OTOA: variants seen among roughly 807,000 people sequenced by gnomAD.
The protein encoded by OTOA is cancer/testis antigen 108.
OTOA carries 70 observed loss-of-function variants against 110.8 expected under a neutral mutation model. The observed-to-expected ratio is 0.63, with a 90% CI of 0.52 to 0.77. The LOEUF is 0.77. OTOA is among the 30% of genes least tolerant of loss of function. The pLI is 0.00. For synonymous variants in OTOA, 373 were observed against 431.5 expected, an observed-to-expected ratio of 0.86 and a Z score of 1.68; for missense variants, 917 against 1,075.8, an observed-to-expected ratio of 0.85 and a Z score of 2.06.
At chr16:21,731,435 A>G (rs1393896950) in intron 21 of OTOA, among the ~76,000 whole-genome samples, 1 of 152,242 alleles carries the variant, frequency 6.6e-6, no homozygotes, top group East Asian at 1.9e-4. Flanking sequence ...TTTGTGCTGC[A>G]TAACAAAGCC....
intron 6 of OTOA, among the ~76,000 whole-genome samples, 187 bp from the exon 7 acceptor site, chr16:21,685,043 C>A (rs983396970): frequency 6.6e-6 from 1 of 152,120 alleles, no homozygotes. Flanking sequence ...AGCCACCGCG[C>A]CCGGCCCCTC....
chr16:21,703,689 C>A (rs1898097859), intron 11 of OTOA, among the ~76,000 whole-genome samples: 2 of 152,122 alleles, frequency 1.3e-5, no homozygotes, highest in Non-Finnish European at 2.9e-5. Flanking sequence ...TTTCCCTGGA[C>A]CTGGCAGCTC....
At chr16:21,678,752 G>T in intron 2 of OTOA, 147 bp downstream of exon 2, 1 of 1,205,088 alleles carries the variant, frequency 8.3e-7, no homozygotes. Flanking sequence ...ATTCTAAGAG[G>T]ATTTTTCAAG....
rs11861711 is a variant in OTOA, at chr16:21,675,665, G to A, written c.-4-2846G>A. On this transcript the variant is annotated intron_variant, in intron 1 of 28. Coordinates refer to ENST00000646100, the MANE Select transcript of OTOA (RefSeq NM_144672.4). ...TCTAATATGCTGTTAACTCTATCCC[G>A]TGTATTTTCCATTTCAGATATTGTA... Among the ~76,000 whole-genome samples, 811 of 151,936 alleles carry A rather than the reference G, an allele frequency of 5.3e-3. 6 individuals carry two copies. Among genetic ancestry groups the A allele is most frequent in the African/African-American group, 0.018 (764 of 41,434 alleles).
intron 15 of OTOA, among the ~76,000 whole-genome samples, chr16:21,717,842 T>A (rs1165045415): frequency 1.3e-5 from 2 of 152,192 alleles, no homozygotes; most frequent in African/African-American, 4.8e-5. Context: ...CAAATCCCTG[T>A]CTGTTCCAGG....
At chr16:21,681,466 C>T (rs1379904233) in intron 5 of OTOA, among the ~76,000 whole-genome samples, 1 of 152,030 alleles carries the variant, frequency 6.6e-6, no homozygotes, top group Admixed American at 6.6e-5. Context: ...ACCTGTGATC[C>T]CAGCTGCTTG....
intron 11 of OTOA, 38 bp from the exon 12 acceptor site, chr16:21,705,131 G>A: frequency 6.2e-7 from 1 of 1,614,144 alleles, no homozygotes; most frequent in Non-Finnish European, 8.5e-7. Flanking sequence ...TGGTTCTGCG[G>A]TTACACCTCC....
intron 6 of OTOA, among the ~76,000 whole-genome samples, chr16:21,683,461 G>T (rs973947201): frequency 2.0e-5 from 3 of 152,152 alleles, no homozygotes; most frequent in Non-Finnish European, 2.9e-5. Context: ...GAGAGGCATA[G>T]GTGGGAGGAT....
At chr16:21,699,946 A>T (rs902332444) in intron 10 of OTOA, among the ~76,000 whole-genome samples, 2 of 151,966 alleles carry the variant, frequency 1.3e-5, no homozygotes, top group Non-Finnish European at 2.9e-5. Context: ...AATAAAAATA[A>T]AAACAAAAAT....
At chr16:21,711,627 C>A (rs1435204124) in intron 13 of OTOA, among the ~76,000 whole-genome samples, 1 of 152,168 alleles carries the variant, frequency 6.6e-6, no homozygotes, top group Non-Finnish European at 1.5e-5. Flanking sequence ...CACCACCACA[C>A]CCAGCGAATT....
intron 17 of OTOA, chr16:21,721,551 C>G (rs1302885078): frequency 2.2e-6 from 1 of 450,294 alleles, no homozygotes; most frequent in Non-Finnish European, 4.5e-6. Flanking sequence ...TCAGAGGTAA[C>G]TATAAAGAAC....
At chr16:21,671,296 CTCG>C (rs943211047) in intron 1 of OTOA, among the ~76,000 whole-genome samples, 1 of 151,920 alleles carries the variant, frequency 6.6e-6, no homozygotes, top group African/African-American at 2.4e-5. Context: ...GATTAAGAAA[CTCG>C]TCCAAGGCCG....
intron 9 of OTOA, among the ~76,000 whole-genome samples, chr16:21,696,399 T>C (rs534869199): frequency 6.6e-6 from 1 of 152,118 alleles, no homozygotes; most frequent in South Asian, 2.1e-4. Flanking sequence ...AGGAAAAGCA[T>C]TGTAGGTGGT....
At chr16:21,739,815 AT>A (rs1276956317) in intron 22 of OTOA, among the ~76,000 whole-genome samples, 3 of 112,990 alleles carry the variant, frequency 2.7e-5, no homozygotes, top group African/African-American at 9.5e-5. Context: ...CCCCACTATG[AT>A]TTTCATGGAC....
chr16:21,751,536 A>G (rs2141757371), intron 24 of OTOA, among the ~76,000 whole-genome samples: 1 of 106,052 alleles, frequency 9.4e-6, no homozygotes, highest in East Asian at 2.6e-4. Flanking sequence ...ACGAAAAAAA[A>G]AAAAAAAAGG....
intron 6 of OTOA, 141 bp from the exon 7 acceptor site, chr16:21,685,089 A>G: frequency 1.7e-6 from 2 of 1,166,228 alleles, no homozygotes; most frequent in Non-Finnish European, 2.5e-6. Context: ...GGAAATTTGG[A>G]GGTGGCCAAA....
At chr16:21,730,624 A>G in intron 20 of OTOA, 1 of 507,530 alleles carries the variant, frequency 2.0e-6, no homozygotes, top group Non-Finnish European at 3.7e-6. Context: ...GAGAAAGGAG[A>G]GCTTCTCTGA....
At chr16:21,734,663 C>T (rs1279126947) in intron 21 of OTOA, among the ~76,000 whole-genome samples, 8 of 151,986 alleles carry the variant, frequency 5.3e-5, no homozygotes, top group Non-Finnish European at 7.4e-5. Flanking sequence ...GGTGAAACCC[C>T]GTCTCTACTA....
At position 21,710,104 on chromosome 16, in the gene OTOA, G is replaced by C; in HGVS notation, c.1320+1G>C. ...TGCCAAATACTTGGCCCATGAGAAG[G>C]TCAGCTGGAGTTTTAAACTCTTTTT... On this transcript the variant is annotated splice_donor_variant, in intron 13 of 28. Coordinates refer to ENST00000646100, the MANE Select transcript of OTOA (RefSeq NM_144672.4). LOFTEE classifies it high-confidence loss of function. 1 of 1,609,218 alleles carries C rather than the reference G, an allele frequency of 6.2e-7. No individual in the cohort carries two copies. The highest frequency in any genetic ancestry group is 8.5e-7 in the Non-Finnish European group (1 of 1,177,556).
Sources: allele counts gnomAD v4.1 joint callset (sites outside exome capture counted in the v4.1 genomes callset), GRCh38; gene constraint gnomAD v4.1.1; transcripts MANE v1.5; gene names NCBI Gene and HGNC (gene_info 2026-07-23, HGNC 2026-07-21).